The following ZNF83 variants were observed in gnomAD, a reference collection of about 807,000 sequenced individuals.
ZNF83 encodes zinc finger protein 816B.
For missense variants in ZNF83, 552 were observed against 629.9 expected, an observed-to-expected ratio of 0.88 and a Z score of 1.32; for synonymous variants, 209 against 213.0, an observed-to-expected ratio of 0.98 and a Z score of 0.17.
At chr19:52,666,893 A>G (rs375304900) in intron 1 of ZNF83, among the ~76,000 whole-genome samples, 4 of 152,246 alleles carry the variant, frequency 2.6e-5, no homozygotes, top group African/African-American at 9.6e-5. Context: ...TAAGTGATAA[A>G]GAAACTCTTG....
In ZNF83 at chr19:52,682,272, C is replaced by G. The variant is rs1251534028; in HGVS notation, c.-283+8171G>C. 5.3e-5 allele frequency among the ~76,000 whole-genome samples: 8 copies of G among 152,284 alleles called. 1 individual carries two copies. In the South Asian group the frequency reaches 1.7e-3, roughly 32 times the overall value. On this transcript the variant is annotated intron_variant, in intron 1 of 5. Coordinates refer to the ZNF83 transcript ENST00000594682. ...TCTACGTAACCATGGACTTATCCAT[C>G]CATGTATTCTCCCAAGATGGGAGGA... is the stretch of plus-strand genomic sequence containing the variant.
At chr19:52,683,634 G>C (rs556704432) in intron 1 of ZNF83, among the ~76,000 whole-genome samples, 4 of 152,240 alleles carry the variant, frequency 2.6e-5, no homozygotes, top group African/African-American at 9.6e-5. Context: ...GACAAAAATG[G>C]AGATGCCTCA....
intron 2 of ZNF83, among the ~76,000 whole-genome samples, chr19:52,629,676 G>A (rs2060879715): frequency 6.6e-6 from 1 of 152,114 alleles, no homozygotes; most frequent in East Asian, 1.9e-4. Context: ...ATCAGATAAC[G>A]TTTAGGCTCT....
exon 3 of ZNF83, chr19:52,613,266 T>G (rs1164507625): frequency 1.2e-6 from 2 of 1,614,058 alleles, no homozygotes. Flanking sequence ...CCTTCCCACA[T>G]TCATTACATT....
At chr19:52,626,064 T>C (rs1241441840) in intron 2 of ZNF83, among the ~76,000 whole-genome samples, 1 of 152,126 alleles carries the variant, frequency 6.6e-6, no homozygotes, top group Non-Finnish European at 1.5e-5. Flanking sequence ...AAAATTCAAT[T>C]TGCAAATGGG....
At chr19:52,614,331 T>C (rs1445743744) in exon 3 of ZNF83, 3 of 1,613,262 alleles carry the variant, frequency 1.9e-6, no homozygotes, top group Non-Finnish European at 1.7e-6. Flanking sequence ...GTGTGAATAA[T>C]GAATCCACAA....
intron 1 of ZNF83, among the ~76,000 whole-genome samples, chr19:52,674,015 CAA>C (rs67570337): frequency 1.9e-3 from 137 of 73,020 alleles, no homozygotes; most frequent in African/African-American, 5.7e-3. Flanking sequence ...GACTCCATCT[CAA>C]AAAAAAAAAA....
intron 3 of ZNF83, chr19:52,651,157 A>T (rs1350205215): frequency 6.6e-6 from 1 of 152,106 alleles, no homozygotes; most frequent in East Asian, 1.9e-4. Context: ...TGTTCAAACC[A>T]CTCATCCTGT....
At chr19:52,652,766 G>A (rs2061458709) in intron 3 of ZNF83, 1 of 820,654 alleles carries the variant, frequency 1.2e-6, no homozygotes, top group African/African-American at 1.7e-5. Context: ...TGATGAATAA[G>A]TGATGACTGC....
intron 2 of ZNF83, among the ~76,000 whole-genome samples, chr19:52,625,243 G>A (rs1288250947): frequency 6.6e-6 from 1 of 151,936 alleles, no homozygotes; most frequent in Non-Finnish European, 1.5e-5. Context: ...TCTTGCAAAG[G>A]GACTACACAT....
chr19:52,613,623 C>A, exon 3 of ZNF83: 2 of 1,613,464 alleles, frequency 1.2e-6, no homozygotes, highest in South Asian at 2.2e-5. Context: ...TGTAAGGTTT[C>A]TCTCCAGTAT....
chr19:52,671,380 A>G (rs1021882113), intron 1 of ZNF83, among the ~76,000 whole-genome samples: 17 of 152,218 alleles, frequency 1.1e-4, no homozygotes, highest in African/African-American at 4.1e-4. Context: ...ATGTATTGTA[A>G]TATTAAATTC....
At chr19:52,629,435 TC>T (rs772722119) in intron 2 of ZNF83, among the ~76,000 whole-genome samples, 13 of 147,724 alleles carry the variant, frequency 8.8e-5, no homozygotes, top group East Asian at 1.9e-4. Flanking sequence ...TCTGAACTCT[TC>T]CCCTCCTCCC....
At chr19:52,662,794 T>C (rs369789121) in intron 1 of ZNF83, among the ~76,000 whole-genome samples, 4 of 152,030 alleles carry the variant, frequency 2.6e-5, no homozygotes, top group African/African-American at 9.7e-5. Context: ...CTGAGTTGAG[T>C]CAGAAGGAGG....
intron 1 of ZNF83, among the ~76,000 whole-genome samples, chr19:52,664,918 G>A (rs1223706334): frequency 6.6e-6 from 1 of 152,130 alleles, no homozygotes; most frequent in Non-Finnish European, 1.5e-5. Flanking sequence ...CAGGGAAATA[G>A]TACCTCCCTG....
chr19:52,657,585 T>C (rs1400229208), intron 2 of ZNF83, among the ~76,000 whole-genome samples: 1 of 152,176 alleles, frequency 6.6e-6, no homozygotes, highest in South Asian at 2.1e-4. Context: ...CAGTAGCTCA[T>C]GCCTGTAATC....
At chr19:52,661,286 A>T (rs911130254) in intron 1 of ZNF83, among the ~76,000 whole-genome samples, 7 of 152,174 alleles carry the variant, frequency 4.6e-5, no homozygotes, top group African/African-American at 1.7e-4. Flanking sequence ...AGAGATAAGA[A>T]AGCCCCACAG....
At chr19:52,684,227 G>C (rs995011444) in intron 1 of ZNF83, among the ~76,000 whole-genome samples, 41 of 152,026 alleles carry the variant, frequency 2.7e-4, no homozygotes, top group African/African-American at 9.9e-4. Context: ...AAAGTAGCCT[G>C]GCTTGGTGGG....
intron 1 of ZNF83, among the ~76,000 whole-genome samples, chr19:52,676,639 A>G (rs1022625641): frequency 2.7e-5 from 4 of 147,880 alleles, no homozygotes; most frequent in African/African-American, 1.0e-4. Flanking sequence ...CCAACAGCTC[A>G]TTGAGAACGG....
Sources: allele counts gnomAD v4.1 joint callset (sites outside exome capture counted in the v4.1 genomes callset), GRCh38; gene constraint gnomAD v4.1.1; transcripts MANE v1.5; gene names NCBI Gene and HGNC (gene_info 2026-07-23, HGNC 2026-07-21).